The following DNAH17 variants were observed in gnomAD, a reference collection of about 807,000 sequenced individuals.
The protein encoded by DNAH17 is dynein axonemal heavy chain 17, also known as axonemal beta dynein heavy chain 17.
A neutral mutation model predicts 485.6 loss-of-function variants in DNAH17; 376 were observed. That is an observed-to-expected ratio of 0.77 (90% CI 0.71 to 0.84). The LOEUF is 0.84. DNAH17 is among the 40% of genes least tolerant of loss of function. The probability of loss-of-function intolerance (pLI) is 0.00; values close to 1 mark genes in which losing one functional copy is unlikely to be tolerated. For missense variants in DNAH17, 6,370 were observed against 5,839.3 expected, an observed-to-expected ratio of 1.09 and a Z score of -2.96; for synonymous variants, 3,031 against 2,405.9, an observed-to-expected ratio of 1.26 and a Z score of -7.60.
chr17:78,439,972 ACTTT>A (rs1298133263), intron 72 of DNAH17, among the ~76,000 whole-genome samples: 1 of 150,696 alleles, frequency 6.6e-6, no homozygotes, highest in Non-Finnish European at 1.5e-5. Flanking sequence ...GGCTGGCCTC[ACTTT>A]TTTTTGAGAC....
intron 1 of DNAH17, 120 bp from the exon 2 acceptor site, chr17:78,575,202 G>C (rs912531611): frequency 1.3e-6 from 1 of 751,532 alleles, no homozygotes; most frequent in Middle Eastern, 3.9e-4. Context: ...AGTTGGTCGA[G>C]AGTGTGCAGT....
rs781039924 is a variant in DNAH17, at chr17:78,485,720, C to G, written c.7313G>C (p.Arg2438Pro). 1.2e-6 allele frequency: 2 copies of G among 1,613,478 alleles called. No homozygotes were observed. The highest frequency in any genetic ancestry group is 1.7e-6 in the Non-Finnish European group (2 of 1,179,884). ...CTCCATGAGCAGGTCCATGAAGTAG[C>G]GGATGCGGATGGTTTCCGTGGTGTG... is the stretch of plus-strand genomic sequence containing the variant. ...LVHTTETIRI[R>P]YFMDLLMEKS... The change falls in exon 47 of 81, where the codon CGC becomes CCC. Residue 2438 changes from arginine (R) to proline (P), a missense_variant. Arg to Pro is a moderately radical substitution (Grantham distance 103). Transcript: ENST00000389840.
chr17:78,444,406 C>G (rs1209015586), intron 71 of DNAH17, among the ~76,000 whole-genome samples, 198 bp downstream of exon 71: 1 of 152,174 alleles, frequency 6.6e-6, no homozygotes, highest in Non-Finnish European at 1.5e-5. Flanking sequence ...GGGGTGGAAT[C>G]CTGCCTCTGT....
chr17:78,486,302 G>T lies in DNAH17; in HGVS notation c.7023C>A (p.Asp2341Glu), dbSNP rs1393009914. 6.2e-7 allele frequency: 1 copy of T among 1,613,014 alleles called. No individual in the cohort carries two copies. Among genetic ancestry groups the T allele is most frequent in the African/African-American group, 1.3e-5 (1 of 74,922 alleles). ...ACAGCTCGTACAGCTCCCTGGGGGA[G>T]TCGGGGGGCACGGTCTTCTCCGTGA... ...CLLTEKTVPP[D>E]SPRELYELYF... Residue 2341 changes from aspartate to glutamate, a missense_variant, in exon 45 of 81, where the codon GAC (aspartate) becomes GAA (glutamate). Coordinates refer to ENST00000389840, the MANE Select transcript of DNAH17 (RefSeq NM_173628.4).
chr17:78,450,247 G>A lies in DNAH17; in HGVS notation c.11040+7C>T, dbSNP rs1020557653. On this transcript the variant is annotated splice_region_variant and intron_variant, in intron 68 of 80. Transcript: ENST00000389840. Reference sequence around the variant, plus strand: ...GGGAGGCACCCAGCCCCAGCTGCAGGGCGCACCTTGAGGGAGAACTGGTAG... The same window carrying A: ...GGGAGGCACCCAGCCCCAGCTGCAGAGCGCACCTTGAGGGAGAACTGGTAG... The A allele has an allele frequency of 3.1e-6, 5 of 1,613,456 alleles. No homozygotes were observed. In the African/African-American group the frequency reaches 5.3e-5, roughly 17 times the overall value.
intron 75 of DNAH17, among the ~76,000 whole-genome samples, chr17:78,433,506 G>A (rs1296987294): frequency 3.3e-5 from 5 of 152,190 alleles, no homozygotes; most frequent in African/African-American, 7.2e-5. Flanking sequence ...GTCTGCATGC[G>A]CCTTTATGCA....
chr17:78,555,766 C>T (rs899989260), intron 14 of DNAH17, among the ~76,000 whole-genome samples: 1 of 152,120 alleles, frequency 6.6e-6, no homozygotes, highest in Non-Finnish European at 1.5e-5. Context: ...TGGGTGGGCT[C>T]AGGAAAGCAG....
intron 64 of DNAH17, among the ~76,000 whole-genome samples, chr17:78,453,802 C>T (rs967870877): frequency 1.3e-5 from 2 of 152,220 alleles, no homozygotes; most frequent in African/African-American, 2.4e-5. Context: ...ATCCTCCCAT[C>T]GCAGCCTCCT....
intron 2 of DNAH17, 96 bp from the exon 3 acceptor site, chr17:78,572,990 G>A: frequency 8.7e-7 from 1 of 1,143,520 alleles, no homozygotes; most frequent in Non-Finnish European, 1.2e-6. Context: ...AAGACCCGGT[G>A]TCTGGAGCCC....
intron 78 of DNAH17, 42 bp from the exon 79 acceptor site, chr17:78,426,642 G>T (rs758058723): frequency 1.3e-6 from 2 of 1,557,294 alleles, no homozygotes; most frequent in Non-Finnish European, 1.7e-6. Flanking sequence ...CTGAGCTGGG[G>T]CCTGGGAGAG....
Position 78,566,836 on chromosome 17 carries a change from C to A in DNAH17, c.1453-106G>T. On this transcript the variant is annotated intron_variant, in intron 10 of 80. Transcript: ENST00000389840. ...GAGAGGACTCGGGACTGAGGCGCAG[C>A]TGAATGTGCTGTTGCGGGGACCGCT... 5.4e-6 allele frequency: 7 copies of A among 1,293,048 alleles called. No homozygotes were observed. The South Asian group carries it at 9.7e-5, about 18-fold the overall frequency. The allele number at this position is 1,293,048 out of a possible 1,614,324, so 80.1% of individuals were successfully genotyped here.
Position 78,506,702 on chromosome 17 carries a change from G to A in DNAH17, c.4803+18C>T. 1 of 1,613,690 alleles carries A rather than the reference G, an allele frequency of 6.2e-7. No homozygotes were observed. The highest frequency in any genetic ancestry group is 8.5e-7 in the Non-Finnish European group (1 of 1,179,854). ...ATGATGTTGGCTTAAACACCGGAAT[G>A]CAAGGGGCCCCGCCTACCTCCACGG... On this transcript the variant is annotated intron_variant, in intron 30 of 80. Coordinates refer to ENST00000389840, the MANE Select transcript of DNAH17 (RefSeq NM_173628.4).
intron 25 of DNAH17, among the ~76,000 whole-genome samples, chr17:78,516,012 T>C (rs545252131): frequency 3.3e-5 from 5 of 152,260 alleles, no homozygotes; most frequent in African/African-American, 7.2e-5. Flanking sequence ...CTGCTAGTCA[T>C]TGAGGGAATG....
chr17:78,470,622 G>A (rs2088704492), intron 54 of DNAH17, among the ~76,000 whole-genome samples: 1 of 152,140 alleles, frequency 6.6e-6, no homozygotes, highest in Non-Finnish European at 1.5e-5. Context: ...CCAGGAGGTG[G>A]AGGTTGCAGT....
At chr17:78,501,582 G>A (rs2090291705) in intron 34 of DNAH17, 160 bp downstream of exon 34, 3 of 1,099,922 alleles carry the variant, frequency 2.7e-6, no homozygotes, top group Non-Finnish European at 3.8e-6. Context: ...TGCTCACCAG[G>A]GGTGAGTCCG....
chr17:78,424,224 G>A (rs1320998529), intron 80 of DNAH17, 71 bp from the exon 81 acceptor site: 2 of 1,532,976 alleles, frequency 1.3e-6, no homozygotes, highest in Non-Finnish European at 1.8e-6. Flanking sequence ...AGGAAGGGTG[G>A]GGTCCTCACA....
In DNAH17 at chr17:78,527,022, G is replaced by A. The variant is rs373561916; in HGVS notation, c.3508-26C>T. On this transcript the variant is annotated intron_variant, in intron 22 of 80. Coordinates refer to ENST00000389840, the MANE Select transcript of DNAH17 (RefSeq NM_173628.4). ...CTGCGGGAAGCAAAGGCAGAGGAGG[G>A]CTCCTTTCTCATTTCTTTTCTTAAA... 2.3e-5 allele frequency: 35 copies of A among 1,505,934 alleles called. No homozygotes were observed. In the East Asian group the frequency reaches 4.4e-4, roughly 19 times the overall value. 93.3% of individuals were successfully genotyped at this position (1,505,934 alleles called of 1,614,324 possible).
intron 69 of DNAH17, 95 bp downstream of exon 69, chr17:78,449,319 G>A: frequency 2.3e-6 from 3 of 1,315,658 alleles, no homozygotes; most frequent in Admixed American, 4.5e-5. Context: ...AGGTTTGGGT[G>A]GGGGCCCAAC....
intron 41 of DNAH17, 103 bp from the exon 42 acceptor site, chr17:78,492,868 T>TTTTTTTTTTTTTA (rs1568147152): frequency 5.1e-6 from 5 of 988,064 alleles, no homozygotes; most frequent in African/African-American, 3.5e-5. Context: ...TTTTTTTTTT[T>TTTTTTTTTTTTTA]GAGATGGAGT....
Sources: allele counts gnomAD v4.1 joint callset (sites outside exome capture counted in the v4.1 genomes callset), GRCh38; gene constraint gnomAD v4.1.1; transcripts MANE v1.5; gene names NCBI Gene and HGNC (gene_info 2026-07-23, HGNC 2026-07-21).